CA5B: variants seen among roughly 807,000 people sequenced by gnomAD.
The protein encoded by CA5B is carbonic anhydrase 5B.
CA5B carries 15 observed loss-of-function variants against 23.1 expected under a neutral mutation model. The observed-to-expected ratio is 0.65, with a 90% confidence interval of 0.43 to 1.00. The LOEUF is 1.00. CA5B is among the 50% of genes least tolerant of loss of function. The pLI, the probability that CA5B is intolerant of heterozygous loss-of-function variation, is 0.00. For missense variants in CA5B, 236 were observed against 252.2 expected (o/e 0.94, Z 0.43); for synonymous variants, 84 against 98.5 (o/e 0.85, Z 0.87).
At chrX:15,775,696 A>C in intron 6 of CA5B, 6 of 760,527 alleles carry the variant, frequency 7.9e-6, no homozygotes, top group Non-Finnish European at 9.3e-6. Context: ...AAGAACAGTA[A>C]TCCACATCCT....
At chrX:15,760,778 A>G (rs1448563756) in intron 2 of CA5B, among the ~76,000 whole-genome samples, 1 of 111,604 alleles carries the variant, frequency 9.0e-6, no homozygotes, top group Non-Finnish European at 1.9e-5. Flanking sequence ...TACAAACAGA[A>G]TCAGGGCCTT....
At chrX:15,766,014 G>A (rs928786331) in intron 3 of CA5B, among the ~76,000 whole-genome samples, 5 of 108,428 alleles carry the variant, frequency 4.6e-5, no homozygotes, top group Non-Finnish European at 7.6e-5. Context: ...AGCATTAGCC[G>A]GGTGTGGTGG....
At chrX:15,758,385 A>G (rs1249316295) in intron 2 of CA5B, among the ~76,000 whole-genome samples, 1 of 112,388 alleles carries the variant, frequency 8.9e-6, no homozygotes. Flanking sequence ...AAGGGTATTA[A>G]TCCCGTTCAT....
chrX:15,769,415 A>G, intron 3 of CA5B: 1 of 681,356 alleles, frequency 1.5e-6, no homozygotes, highest in Non-Finnish European at 1.7e-6. Flanking sequence ...ACTGTGGGGA[A>G]GGGCACTAAA....
chrX:15,768,689 G>T (rs1204908855), intron 3 of CA5B: 1 of 109,925 alleles, frequency 9.1e-6, no homozygotes, highest in Non-Finnish European at 1.9e-5. Context: ...ATTTCTCCAT[G>T]TTGTTGCAAA....
chrX:15,775,725 T>G (rs1931909253), intron 6 of CA5B: 1 of 753,599 alleles, frequency 1.3e-6, no homozygotes, highest in Admixed American at 8.6e-5. Flanking sequence ...GATGCCTTTG[T>G]CCAGTCCCCC....
chrX:15,767,272 C>T (rs1048471621), intron 3 of CA5B: 1 of 119,107 alleles, frequency 8.4e-6, no homozygotes, highest in African/African-American at 3.2e-5. Context: ...ATCATTGCTT[C>T]ATTGAGTTGG....
intron 2 of CA5B, among the ~76,000 whole-genome samples, chrX:15,753,571 G>C (rs758751531): frequency 1.8e-5 from 2 of 112,448 alleles, no homozygotes; most frequent in Non-Finnish European, 3.8e-5. Flanking sequence ...TCTCCCACAA[G>C]GGATGGCTTT....
rs974976190 is a variant in CA5B at position 15,774,497 on chromosome X, A to G, written c.555+100A>G. 3 of 990,848 alleles carry G rather than the reference A, an allele frequency of 3.0e-6. No homozygotes were observed. In the African/African-American group the frequency reaches 5.8e-5, roughly 19 times the overall value. The allele number at this position is 990,848 out of a possible 1,213,427, so 81.7% of individuals were successfully genotyped here. ...TTACTTTAAGAATGTTGGGATCCATACATTGGTAAGATAAATAGTGCTTGA... is the reference window on the plus strand; with the variant it reads ...TTACTTTAAGAATGTTGGGATCCATGCATTGGTAAGATAAATAGTGCTTGA... On this transcript the variant is annotated intron_variant, in intron 5 of 7. Coordinates refer to ENST00000318636, the MANE Select transcript of CA5B (RefSeq NM_007220.4).
chrX:15,765,015 AG>A (rs2147263168), intron 3 of CA5B: 2 of 396,161 alleles, frequency 5.0e-6, no homozygotes, highest in East Asian at 5.1e-5. Context: ...CTCTATGTAT[AG>A]ATTTATAATT....
rs1303393942 is a variant in CA5B at position 15,776,716 on chromosome X, C to T, written c.621C>T (p.Asp207=). The T allele has an allele frequency of 6.6e-6, 8 of 1,204,461 alleles. No homozygotes were observed. The highest frequency in any genetic ancestry group is 4.4e-5 in the Admixed American group (2 of 45,622). ...VDTLPSIKHK[D]ALVEFGSFDP... ...CGGTTATCTCTTCTCTTGGCCAGGA[C>T]GCCCTTGTGGAATTTGGGTCATTTG... The change falls in exon 7 of 8, where the codon GAC becomes GAT. Residue 207 remains aspartate (D), a splice_region_variant and synonymous_variant. Transcript: ENST00000318636.
At chrX:15,744,423 C>T (rs1241609806) in intron 1 of CA5B, among the ~76,000 whole-genome samples, 1 of 112,677 alleles carries the variant, frequency 8.9e-6, no homozygotes, top group African/African-American at 3.2e-5. Flanking sequence ...TCCTGGCTGG[C>T]GGCCATGCCC....
At chrX:15,774,799 C>T (rs1028680515) in intron 5 of CA5B, among the ~76,000 whole-genome samples, 1 of 111,692 alleles carries the variant, frequency 9.0e-6, no homozygotes, top group African/African-American at 3.3e-5. Context: ...GATTGTGCCA[C>T]TGCACTCCAG....
At chrX:15,757,188 A>AGATGGTGAAACCCC (rs1931508869) in intron 2 of CA5B, among the ~76,000 whole-genome samples, 1 of 105,815 alleles carries the variant, frequency 9.5e-6, no homozygotes, top group African/African-American at 3.5e-5. Context: ...AGCCTGGCCA[A>AGATGGTGAAACCCC]GATGGTGAAA....
chrX:15,759,956 G>C (rs997869918), intron 2 of CA5B, among the ~76,000 whole-genome samples: 95 of 108,320 alleles, frequency 8.8e-4, no homozygotes, highest in Non-Finnish European at 1.4e-3. Context: ...GTTTCACCAT[G>C]TTGGCCAGGC....
intron 1 of CA5B, among the ~76,000 whole-genome samples, chrX:15,739,172 G>A (rs973230480): frequency 2.7e-5 from 3 of 112,027 alleles, no homozygotes; most frequent in Admixed American, 9.5e-5. Context: ...GAGTTGATGT[G>A]TACAACTTAG....
In CA5B at chrX:15,782,557, C is replaced by A; in HGVS notation, c.847C>A (p.Pro283Thr). 8.3e-6 allele frequency: 10 copies of A among 1,210,368 alleles called. No homozygotes were observed. The highest frequency in any genetic ancestry group is 1.1e-5 in the Non-Finnish European group (10 of 894,296). Residue 283 changes from proline to threonine, a missense_variant, in exon 8 of 8, where the codon CCC (proline) becomes ACC (threonine). This residue lies in a region of CA5B where 170 missense variants were observed against 162.0 expected (regional missense o/e 1.05). Coordinates refer to ENST00000318636, the MANE Select transcript of CA5B (RefSeq NM_007220.4). Reference protein sequence around the residue: ...KEKRMVDNFRPLQPLMNRTVR... With the variant: ...KEKRMVDNFRTLQPLMNRTVR... The stretch of plus-strand genomic sequence containing the variant: ...GAAAAGAATGGTGGACAACTTCCGC[C>A]CCCTTCAGCCACTGATGAATCGCAC...
At position 15,786,801 on chromosome X, in the gene CA5B, T is replaced by A. The variant is rs369120363; in HGVS notation, c.*4137T>A. ...AGCCGATCCTCCTCAGTGCACCTTT[T>A]TCTGTTGCACAGTACAGTGCACAGT... On this transcript the variant is annotated 3_prime_UTR_variant, in exon 8 of 8. Transcript: ENST00000318636. 6 of 111,894 alleles carry A rather than the reference T, an allele frequency of 5.4e-5. No homozygotes were observed. In the East Asian group the frequency reaches 1.4e-3, roughly 26 times the overall value. 9.2% of individuals were successfully genotyped at this position (111,894 alleles called of 1,213,427 possible).
chrX:15,772,517 A>G lies in CA5B; in HGVS notation c.362A>G (p.Glu121Gly), dbSNP rs1210366257. The G allele has an allele frequency of 8.3e-7, 1 of 1,205,258 alleles. No homozygotes were observed. Among genetic ancestry groups the G allele is most frequent in the East Asian group, 3.0e-5 (1 of 33,789 alleles). The change falls in exon 4 of 8, where the codon GAA (glutamate) becomes GGA (glycine). Residue 121 changes from glutamate (E) to glycine (G), a missense_variant. Physicochemically the swap from Glu to Gly is moderately conservative, Grantham distance 98 (BLOSUM62 -2). This residue lies in a region of CA5B where 170 missense variants were observed against 162.0 expected (regional missense o/e 1.05). Transcript: ENST00000318636. ...DKSVIKGGPLEHNYRLKQFHF... is the reference protein window; with the variant it reads ...DKSVIKGGPLGHNYRLKQFHF... The stretch of plus-strand genomic sequence containing the variant: ...TTAGTGATCAAGGGAGGACCCCTGG[A>G]ACACAACTACCGATTGAAGCAGTTC...
Sources: allele counts gnomAD v4.1 joint callset (sites outside exome capture counted in the v4.1 genomes callset), GRCh38; gene constraint gnomAD v4.1.1; regional missense constraint gnomAD v4.1.1; transcripts MANE v1.5; gene names NCBI Gene and HGNC (gene_info 2026-07-23, HGNC 2026-07-21).